The following DIP2C variants were observed in gnomAD, a reference collection of about 807,000 sequenced individuals.
DIP2C encodes disco-interacting protein 2 homolog C.
In DIP2C, 33 loss-of-function variants were observed where a neutral mutation model predicts 192.4. The ratio of observed to expected loss-of-function variants is 0.17; its 90% confidence interval spans 0.13 to 0.23. The LOEUF (loss-of-function observed/expected upper bound fraction) is 0.23, where lower values mean the gene tolerates loss of function less well. Among genes scored for constraint, DIP2C ranks in the 10% least tolerant of loss-of-function variants. The probability of loss-of-function intolerance (pLI) is 1.00; values close to 1 mark genes in which losing one functional copy is unlikely to be tolerated. For synonymous variants in DIP2C, 979 were observed against 864.1 expected, an observed-to-expected ratio of 1.13 and a Z score of -2.33; for missense variants, 1,537 against 2,110.1, an observed-to-expected ratio of 0.73 and a Z score of 5.32.
chr10:522,720 G>A (rs1269472900), intron 1 of DIP2C, among the ~76,000 whole-genome samples: 1 of 152,242 alleles, frequency 6.6e-6, no homozygotes, highest in African/African-American at 2.4e-5. Flanking sequence ...TTTTTCATCA[G>A]GTGGTTCATT....
chr10:544,140 G>A (rs989350159), intron 1 of DIP2C, among the ~76,000 whole-genome samples: 2 of 150,624 alleles, frequency 1.3e-5, no homozygotes, highest in Non-Finnish European at 2.9e-5. Flanking sequence ...ATCGCACAGT[G>A]CGTGACCTTT....
chr10:676,856 G>A (rs1830896413), intron 1 of DIP2C, among the ~76,000 whole-genome samples: 1 of 151,998 alleles, frequency 6.6e-6, no homozygotes, highest in East Asian at 1.9e-4. Context: ...GGAAAAATGA[G>A]GTTTAGTGTT....
intron 1 of DIP2C, among the ~76,000 whole-genome samples, chr10:580,240 T>C (rs967938975): frequency 6.6e-6 from 1 of 151,780 alleles, no homozygotes; most frequent in Non-Finnish European, 1.5e-5. Flanking sequence ...CACTAACATA[T>C]ACATGTGTAA....
chr10:571,423 C>T (rs1198353789), intron 1 of DIP2C, among the ~76,000 whole-genome samples: 1 of 152,102 alleles, frequency 6.6e-6, no homozygotes, highest in African/African-American at 2.4e-5. Flanking sequence ...GGGCTCATTT[C>T]CCAGGCTCCT....
intron 3 of DIP2C, among the ~76,000 whole-genome samples, chr10:453,294 G>A (rs926555728): frequency 3.9e-5 from 6 of 152,138 alleles, no homozygotes; most frequent in African/African-American, 1.2e-4. Context: ...GAGAGGCCGT[G>A]GAATGGAAAC....
At chr10:544,244 T>C (rs1370099186) in intron 1 of DIP2C, among the ~76,000 whole-genome samples, 2 of 152,268 alleles carry the variant, frequency 1.3e-5, no homozygotes, top group Non-Finnish European at 2.9e-5. Context: ...CTGGCATCTT[T>C]CACATTCAAG....
chr10:657,922 TCCCTGGACCTGC>T (rs1588700738), intron 1 of DIP2C, among the ~76,000 whole-genome samples: 38 of 59,182 alleles, frequency 6.4e-4, no homozygotes, highest in African/African-American at 1.3e-3. Context: ...ACTGGACCTG[TCCCTGGACCTGC>T]CCCTGGACCT....
intron 13 of DIP2C, among the ~76,000 whole-genome samples, chr10:388,996 G>C (rs1963227908): frequency 6.7e-6 from 1 of 149,394 alleles, no homozygotes; most frequent in Non-Finnish European, 1.5e-5. Context: ...CATCCCAAGG[G>C]ATCTCAGGGC....
intron 1 of DIP2C, among the ~76,000 whole-genome samples, chr10:549,545 C>T (rs1848481246): frequency 6.6e-6 from 1 of 152,192 alleles, no homozygotes; most frequent in Non-Finnish European, 1.5e-5. Flanking sequence ...CCAGTGACTC[C>T]TGGGAAACAG....
chr10:500,846 G>C (rs980743389), intron 1 of DIP2C, among the ~76,000 whole-genome samples: 2 of 152,148 alleles, frequency 1.3e-5, no homozygotes, highest in African/African-American at 2.4e-5. Flanking sequence ...ATAGGTTTCA[G>C]GCTTCAGAAA....
intron 1 of DIP2C, among the ~76,000 whole-genome samples, chr10:490,796 G>A (rs182000349): frequency 7.5e-4 from 114 of 152,096 alleles, no homozygotes; most frequent in African/African-American, 2.6e-3. Context: ...GAGACTTTCC[G>A]TAAGAATTAA....
At chr10:434,251 G>C (rs1328888055) in intron 4 of DIP2C, among the ~76,000 whole-genome samples, 1 of 152,124 alleles carries the variant, frequency 6.6e-6, no homozygotes, top group African/African-American at 2.4e-5. Context: ...AAAAATAAAA[G>C]TTTTTCTCCT....
chr10:668,314 ACT>A (rs1857237741), intron 1 of DIP2C: 1 of 152,188 alleles, frequency 6.6e-6, no homozygotes, highest in Middle Eastern at 3.2e-3. Flanking sequence ...AACACATGCA[ACT>A]CAACACAAAT....
intron 28 of DIP2C, among the ~76,000 whole-genome samples, chr10:343,728 A>G (rs933361926): frequency 2.0e-5 from 3 of 152,214 alleles, no homozygotes; most frequent in East Asian, 3.8e-4. Context: ...CAGCAACTAG[A>G]GCAAGCCTGC....
chr10:466,792 T>C (rs1245927227), intron 3 of DIP2C, among the ~76,000 whole-genome samples: 1 of 146,526 alleles, frequency 6.8e-6, no homozygotes. Flanking sequence ...ATGCTCATCA[T>C]CACTGGCCGT....
At chr10:362,462 T>C in intron 22 of DIP2C, 28 bp downstream of exon 22, 1 of 1,609,734 alleles carries the variant, frequency 6.2e-7, no homozygotes. Context: ...CTCCCGCACC[T>C]CACAAGCTGC....
chr10:472,304 G>T, intron 3 of DIP2C, 135 bp downstream of exon 3: 2 of 680,578 alleles, frequency 2.9e-6, no homozygotes, highest in Non-Finnish European at 2.5e-6. Flanking sequence ...GTGTGTCCGT[G>T]CAGAAAGCTG....
chr10:495,187 G>GA (rs1844731880), intron 1 of DIP2C, among the ~76,000 whole-genome samples: 1 of 152,108 alleles, frequency 6.6e-6, no homozygotes. Context: ...AGAATTTGTA[G>GA]AAACAGAGTG....
intron 28 of DIP2C, among the ~76,000 whole-genome samples, chr10:342,836 A>C (rs967946204): frequency 6.6e-6 from 1 of 152,326 alleles, no homozygotes; most frequent in Non-Finnish European, 1.5e-5. Flanking sequence ...TAATCCCTGT[A>C]ATAGTCCCCC....
Sources: gnomAD v4.1 joint callset for allele counts (sites outside exome capture counted in the v4.1 genomes callset) on GRCh38, gnomAD v4.1.1 for gene constraint, MANE v1.5 for transcripts, NCBI Gene and HGNC (gene_info 2026-07-23, HGNC 2026-07-21) for gene names.